Variants in MPRIP observed in about 807,000 individuals in gnomAD.
The protein encoded by MPRIP is myosin phosphatase Rho interacting protein.
MPRIP carries 59 observed loss-of-function variants against 234.9 expected under a neutral mutation model. That is an observed-to-expected ratio of 0.25 (90% CI 0.20 to 0.31). The LOEUF is 0.31. MPRIP is among the 10% of genes least tolerant of loss of function. MPRIP has a pLI of 1.00. For missense variants in MPRIP, 2,436 were observed against 3,071.0 expected, an observed-to-expected ratio of 0.79 and a Z score of 4.89; for synonymous variants, 1,144 against 1,263.9, an observed-to-expected ratio of 0.91 and a Z score of 2.01.
At chr17:17,079,158 A>C (rs1161990148) in intron 3 of MPRIP, among the ~76,000 whole-genome samples, 1 of 152,016 alleles carries the variant, frequency 6.6e-6, no homozygotes. Context: ...TCGAGTCCTA[A>C]CCTTTGTGAT....
At chr17:17,160,095 A>G (rs919196121) in intron 14 of MPRIP, among the ~76,000 whole-genome samples, 5 of 152,266 alleles carry the variant, frequency 3.3e-5, no homozygotes, top group African/African-American at 1.2e-4. Flanking sequence ...TCGGCTGGGC[A>G]TGGTGGCTCA....
intron 3 of MPRIP, among the ~76,000 whole-genome samples, chr17:17,117,552 A>G (rs1351136391): frequency 6.6e-6 from 1 of 152,188 alleles, no homozygotes; most frequent in African/African-American, 2.4e-5. Context: ...CATTCTTTTT[A>G]TGGCTGAATA....
intron 3 of MPRIP, among the ~76,000 whole-genome samples, chr17:17,112,785 G>T (rs1383560939): frequency 6.6e-6 from 1 of 152,206 alleles, no homozygotes. Flanking sequence ...TGGCGTTGAG[G>T]GGGAGGGAGG....
chr17:17,071,894 A>G (rs566747004), intron 1 of MPRIP, among the ~76,000 whole-genome samples: 2 of 152,316 alleles, frequency 1.3e-5, no homozygotes, highest in East Asian at 3.9e-4. Flanking sequence ...TCAACAACAG[A>G]TACCTGCTTC....
chr17:17,157,809 C>CA (rs2045761972), intron 13 of MPRIP, among the ~76,000 whole-genome samples: 1 of 147,514 alleles, frequency 6.8e-6, no homozygotes, highest in African/African-American at 2.5e-5. Context: ...GCCTGGGTAA[C>CA]AAGAGTGAAA....
intron 3 of MPRIP, among the ~76,000 whole-genome samples, chr17:17,112,707 C>T (rs1222720004): frequency 6.6e-6 from 1 of 152,236 alleles, no homozygotes; most frequent in Non-Finnish European, 1.5e-5. Context: ...AGGACAGCCT[C>T]CTGAGGACAG....
chr17:17,046,662 G>A (rs1181480490), intron 1 of MPRIP, among the ~76,000 whole-genome samples: 1 of 152,070 alleles, frequency 6.6e-6, no homozygotes, highest in Non-Finnish European at 1.5e-5. Context: ...TTTCTGTAAG[G>A]TTAGTTTTTC....
At position 17,180,067 on chromosome 17, in the gene MPRIP, A is replaced by C. The variant is rs893354227; in HGVS notation, c.7185A>C (p.Gln2395His). 6 of 1,593,486 alleles carry C rather than the reference A, an allele frequency of 3.8e-6. No individual in the cohort carries two copies. The highest frequency in any genetic ancestry group is 5.1e-6 in the Non-Finnish European group (6 of 1,174,580). ...AAGACAGATCCTGTGTCACCCGGCAACTCAGAAACATCAGGTCCAAGGTGA... is the reference window on the plus strand; with the variant it reads ...AAGACAGATCCTGTGTCACCCGGCACCTCAGAAACATCAGGTCCAAGGTGA... ...LKKDRSCVTR[Q>H]LRNIRSKSLK... The change falls in exon 23 of 24, where the codon CAA becomes CAC. Residue 2395 changes from glutamine to histidine, a missense_variant. Gln to His is a conservative substitution (Grantham distance 24). Around this residue, in one of 4 missense-constraint regions of MPRIP, gnomAD observed 1,998 missense variants for 2,520.3 expected, o/e 0.79. Transcript: ENST00000651222.
intron 3 of MPRIP, among the ~76,000 whole-genome samples, chr17:17,122,883 C>G (rs1944820959): frequency 6.6e-6 from 1 of 152,248 alleles, no homozygotes; most frequent in South Asian, 2.1e-4. Context: ...GGTACACACC[C>G]AAGAGAAATG....
At position 17,136,433 on chromosome 17, in the gene MPRIP, G is replaced by C. The variant is rs142740063; in HGVS notation, c.719G>C (p.Gly240Ala). 5.6e-6 allele frequency: 9 copies of C among 1,610,296 alleles called. No homozygotes were observed. Among genetic ancestry groups the C allele is most frequent in the Middle Eastern group, 1.7e-4 (1 of 6,058 alleles). Reference sequence around the variant, plus strand: ...GCTGCCAGCTCCCTGCGGGAACCTGGGCTAGAGAGCAAAGAAGGTGAGCGG... The same window carrying C: ...GCTGCCAGCTCCCTGCGGGAACCTGCGCTAGAGAGCAAAGAAGGTGAGCGG... ...PPAASSLREP[G>A]LESKEEESAM... The change falls in exon 6 of 24, where the codon GGG (glycine) becomes GCG (alanine). Residue 240 changes from glycine to alanine, a missense_variant. By Grantham distance (60) the Gly-to-Ala change is moderately conservative. Around this residue, in one of 4 missense-constraint regions of MPRIP, gnomAD observed 267 missense variants for 252.7 expected, o/e 1.06. Coordinates refer to ENST00000651222, the MANE Select transcript of MPRIP (RefSeq NM_001364716.4).
Position 17,186,549 on chromosome 17 carries a change from G to A in MPRIP, c.*1655G>A, listed in dbSNP as rs2046478661. The A allele has an allele frequency of 6.6e-6, 1 of 152,042 alleles. No individual in the cohort carries two copies. The highest frequency in any genetic ancestry group is 2.4e-5 in the African/African-American group (1 of 41,386). 9.4% of individuals were successfully genotyped at this position (152,042 alleles called of 1,614,324 possible). ...TGTTGTTAACAGCAAGAGAAAATTG[G>A]GTTTGTTTAAAAATCTACTTCTCTG... On this transcript the variant is annotated 3_prime_UTR_variant, in exon 24 of 24. Transcript: ENST00000651222.
At chr17:17,090,033 G>C (rs992700119) in intron 3 of MPRIP, among the ~76,000 whole-genome samples, 1 of 152,228 alleles carries the variant, frequency 6.6e-6, no homozygotes, top group Non-Finnish European at 1.5e-5. Flanking sequence ...TTCAACCCCA[G>C]GGGGAGGTGG....
intron 11 of MPRIP, among the ~76,000 whole-genome samples, chr17:17,147,990 A>AT (rs1194629605): frequency 6.6e-6 from 1 of 152,222 alleles, no homozygotes; most frequent in Non-Finnish European, 1.5e-5. Flanking sequence ...CACTCCAGGA[A>AT]TCCCTCAGAT....
intron 1 of MPRIP, among the ~76,000 whole-genome samples, chr17:17,054,128 A>T (rs1456591226): frequency 6.6e-6 from 1 of 152,368 alleles, no homozygotes; most frequent in East Asian, 1.9e-4. Context: ...TATTATATAC[A>T]TTTCAGGAAG....
At position 17,164,739 on chromosome 17, in the gene MPRIP, T is replaced by C; in HGVS notation, c.3148T>C (p.Tyr1050His). 7.7e-7 allele frequency: 1 copy of C among 1,302,614 alleles called. No homozygotes were observed. The highest frequency in any genetic ancestry group is 1.2e-5 in the South Asian group (1 of 80,812). The allele number at this position is 1,302,614 out of a possible 1,614,324, so 80.7% of individuals were successfully genotyped here. The stretch of plus-strand genomic sequence containing the variant: ...GGAAGTGGAAGACAAGGCCAGCGCC[T>C]ATGAGGACCAGCTGCAGGGTCAGGC... The part of the protein sequence containing the change: ...LKEVEDKASA[Y>H]EDQLQGQAQQ... Residue 1050 changes from tyrosine (Y) to histidine (H), a missense_variant, in exon 16 of 24, where the codon TAT (tyrosine) becomes CAT (histidine). This residue lies in a region of MPRIP where 1,998 missense variants were observed against 2,520.3 expected (regional missense o/e 0.79). Transcript: ENST00000651222.
chr17:17,079,535 G>A (rs2089414227), intron 3 of MPRIP, among the ~76,000 whole-genome samples: 1 of 152,222 alleles, frequency 6.6e-6, no homozygotes, highest in East Asian at 1.9e-4. Context: ...GGTCAGAGCT[G>A]GGCTCCTGCA....
intron 23 of MPRIP, chr17:17,180,806 C>T (rs1224250055): frequency 3.3e-6 from 3 of 903,452 alleles, no homozygotes; most frequent in East Asian, 2.5e-5. Flanking sequence ...TTAACCTGCT[C>T]TGGGGAGTTA....
At chr17:17,063,349 G>A (rs1262839280) in intron 1 of MPRIP, among the ~76,000 whole-genome samples, 3 of 152,358 alleles carry the variant, frequency 2.0e-5, no homozygotes, top group Middle Eastern at 3.4e-3. Flanking sequence ...TGTCCCCAGC[G>A]AGGAGATGTG....
chr17:17,135,139 G>C (rs971699900), intron 5 of MPRIP, among the ~76,000 whole-genome samples: 1 of 152,250 alleles, frequency 6.6e-6, no homozygotes, highest in African/African-American at 2.4e-5. Flanking sequence ...TTGGGGCCCA[G>C]GATGTGACCT....
Sources: gnomAD v4.1 joint callset for allele counts (sites outside exome capture counted in the v4.1 genomes callset) on GRCh38, gnomAD v4.1.1 for gene constraint, gnomAD v4.1.1 regional missense constraint, MANE v1.5 for transcripts, NCBI Gene and HGNC (gene_info 2026-07-23, HGNC 2026-07-21) for gene names.